The following SNTB2 variants were observed in gnomAD, a reference collection of about 807,000 sequenced individuals.
SNTB2 encodes the protein syntrophin beta 2.
Under a neutral mutation model 46.2 loss-of-function variants are expected in SNTB2, and 34 were observed. The ratio of observed to expected loss-of-function variants is 0.74; its 90% CI spans 0.56 to 0.98. SNTB2 has a LOEUF of 0.98. SNTB2 is among the 50% of genes least tolerant of loss of function. The pLI, the probability that SNTB2 is intolerant of heterozygous loss-of-function variation, is 0.00. For missense variants in SNTB2, 603 were observed against 731.4 expected (o/e 0.82, Z 2.02); for synonymous variants, 290 against 312.6 (o/e 0.93, Z 0.76).
intron 1 of SNTB2, among the ~76,000 whole-genome samples, chr16:69,242,504 C>T (rs989611046): frequency 4.6e-5 from 7 of 152,048 alleles, no homozygotes; most frequent in East Asian, 1.9e-4. Context: ...AAAATAAATA[C>T]TATGGACTTA....
chr16:69,221,721 A>G (rs76531782), intron 1 of SNTB2, among the ~76,000 whole-genome samples: 7,614 of 152,306 alleles, frequency 0.05, 259 homozygotes, highest in Non-Finnish European at 0.071. Flanking sequence ...GGTTGCAGTG[A>G]GCCCAGATAA....
intron 1 of SNTB2, chr16:69,241,823 G>T (rs1212833593): frequency 6.6e-6 from 1 of 151,274 alleles, no homozygotes; most frequent in African/African-American, 2.4e-5. Flanking sequence ...CAGCCACTCA[G>T]GAGGCTAAGA....
chr16:69,305,500 T>G lies in SNTB2; in HGVS notation c.*4576T>G, dbSNP rs1965309729. 6.6e-6 allele frequency: 1 copy of G among 152,240 alleles called. No individual in the cohort carries two copies. Among genetic ancestry groups the G allele is most frequent in the African/African-American group, 2.4e-5 (1 of 41,468 alleles). The allele number at this position is 152,240 out of a possible 1,614,324, so 9.4% of individuals were successfully genotyped here. A position where few individuals can be genotyped will look rare whatever the true frequency, so the allele number is the denominator to read the frequency against. Reference sequence around the variant, plus strand: ...TGGTTAGAAAGCCAAAGGTCTTCTTTTTTCAATTCCTAATGAATAAGTAAA... The same window carrying G: ...TGGTTAGAAAGCCAAAGGTCTTCTTGTTTCAATTCCTAATGAATAAGTAAA... On this transcript the variant is annotated 3_prime_UTR_variant, in exon 7 of 7. Transcript: ENST00000336278.
chr16:69,275,570 G>T (rs1249762813), intron 4 of SNTB2, among the ~76,000 whole-genome samples: 1 of 152,190 alleles, frequency 6.6e-6, no homozygotes, highest in Admixed American at 6.5e-5. Context: ...CCAGAGGCGG[G>T]TAAAGGGTAA....
At chr16:69,236,300 G>A (rs1964560049) in intron 1 of SNTB2, among the ~76,000 whole-genome samples, 1 of 152,180 alleles carries the variant, frequency 6.6e-6, no homozygotes, top group South Asian at 2.1e-4. Context: ...CCTGGTATGA[G>A]TTGGGGTCTA....
chr16:69,269,748 T>C (rs949707110), intron 3 of SNTB2, among the ~76,000 whole-genome samples: 3 of 152,152 alleles, frequency 2.0e-5, no homozygotes, highest in African/African-American at 7.2e-5. Flanking sequence ...TTCTGAAACT[T>C]ACAATTTTGA....
At chr16:69,201,518 C>G (rs985392990) in intron 1 of SNTB2, among the ~76,000 whole-genome samples, 2 of 152,116 alleles carry the variant, frequency 1.3e-5, no homozygotes, top group South Asian at 4.1e-4. Flanking sequence ...TTGAAGAAAT[C>G]TAAAATTCTT....
intron 1 of SNTB2, among the ~76,000 whole-genome samples, chr16:69,215,655 A>G (rs1242509075): frequency 2.6e-5 from 4 of 152,140 alleles, no homozygotes; most frequent in Admixed American, 6.6e-5. Context: ...TCTGGCCTTT[A>G]TGATGTTAGT....
chr16:69,195,735 T>C (rs1964099342), intron 1 of SNTB2, among the ~76,000 whole-genome samples: 1 of 152,154 alleles, frequency 6.6e-6, no homozygotes, highest in African/African-American at 2.4e-5. Flanking sequence ...ACCACTCACA[T>C]TATCAGTTTG....
intron 2 of SNTB2, among the ~76,000 whole-genome samples, chr16:69,246,739 T>G (rs1964673194): frequency 2.7e-5 from 4 of 147,824 alleles, no homozygotes; most frequent in African/African-American, 1.0e-4. Context: ...CAATTTCAGC[T>G]CCTGTTATTG....
At chr16:69,255,449 A>G (rs777275516) in intron 2 of SNTB2, among the ~76,000 whole-genome samples, 1 of 151,646 alleles carries the variant, frequency 6.6e-6, no homozygotes, top group Non-Finnish European at 1.5e-5. Flanking sequence ...AGTCACAACT[A>G]CTCGAGAGGC....
chr16:69,287,442 C>T (rs1272404335), intron 5 of SNTB2, among the ~76,000 whole-genome samples: 2 of 151,896 alleles, frequency 1.3e-5, no homozygotes, highest in Non-Finnish European at 2.9e-5. Context: ...TGGTGGCAGG[C>T]GCCTATAATC....
chr16:69,243,213 G>A (rs1364563144), intron 1 of SNTB2, among the ~76,000 whole-genome samples: 1 of 152,126 alleles, frequency 6.6e-6, no homozygotes, highest in Non-Finnish European at 1.5e-5. Context: ...AGCTCCATGT[G>A]GGGGTGTAAA....
chr16:69,280,245 T>G (rs1597198233), intron 4 of SNTB2, among the ~76,000 whole-genome samples: 1 of 152,192 alleles, frequency 6.6e-6, no homozygotes, highest in Middle Eastern at 3.4e-3. Context: ...AAATGAAAAG[T>G]CTCCCCTGTC....
chr16:69,213,943 T>C (rs1964317578), intron 1 of SNTB2, among the ~76,000 whole-genome samples: 2 of 143,074 alleles, frequency 1.4e-5, no homozygotes, highest in African/African-American at 5.3e-5. Flanking sequence ...TGCTTCAGCC[T>C]TCCAAGTAGC....
At chr16:69,260,312 A>T (rs1322732665) in intron 3 of SNTB2, 52 bp downstream of exon 3, 18 of 1,513,950 alleles carry the variant, frequency 1.2e-5, no homozygotes, top group Non-Finnish European at 1.6e-5. Context: ...CAGTGCCAGG[A>T]TGGTTCCTCA....
Position 69,284,228 on chromosome 16 carries a change from C to T in SNTB2, c.1329C>T (p.Ile443=). Residue 443 remains isoleucine, a synonymous_variant, in exon 5 of 7, where the codon ATC becomes ATT. Coordinates refer to ENST00000336278, the MANE Select transcript of SNTB2 (RefSeq NM_006750.4). Reference sequence around the variant, plus strand: ...GTTGCCATGCTGCTGCTGAGCTGATCAAGGAAGTCTCTCTAGGTAGAGATG... The same window carrying T: ...GTTGCCATGCTGCTGCTGAGCTGATTAAGGAAGTCTCTCTAGGTAGAGATG... ...VQGCHAAAEL[I]KEVSLGCMLN... is the part of the protein sequence containing the mutation. 1 of 1,610,648 alleles carries T rather than the reference C, an allele frequency of 6.2e-7. No individual in the cohort carries two copies. The highest frequency in any genetic ancestry group is 8.5e-7 in the Non-Finnish European group (1 of 1,178,354).
intron 1 of SNTB2, among the ~76,000 whole-genome samples, chr16:69,233,544 A>G (rs527388800): frequency 6.6e-6 from 1 of 152,296 alleles, no homozygotes; most frequent in South Asian, 2.1e-4. Flanking sequence ...GTGCTTATAT[A>G]TGGCAGGTGG....
chr16:69,266,457 T>C (rs947814143), intron 3 of SNTB2, among the ~76,000 whole-genome samples: 5 of 151,910 alleles, frequency 3.3e-5, no homozygotes, highest in African/African-American at 1.2e-4. Flanking sequence ...TTTCCAATGG[T>C]AAGTAGAAGA....
Sources: gnomAD v4.1 joint callset for allele counts (sites outside exome capture counted in the v4.1 genomes callset) on GRCh38, gnomAD v4.1.1 for gene constraint, MANE v1.5 for transcripts, NCBI Gene and HGNC (gene_info 2026-07-23, HGNC 2026-07-21) for gene names.